The following NPLOC4 variants were observed in gnomAD, a reference collection of about 807,000 sequenced individuals.
NPLOC4 encodes the protein nuclear protein localization protein 4 homolog.
In NPLOC4, 18 loss-of-function variants were observed where a neutral mutation model predicts 80.6. The observed-to-expected ratio is 0.22, with a 90% confidence interval of 0.15 to 0.33. The LOEUF (loss-of-function observed/expected upper bound fraction) is 0.33, where lower values mean the gene tolerates loss of function less well. NPLOC4 is among the 10% of genes least tolerant of loss of function. The pLI, the probability that NPLOC4 is intolerant of heterozygous loss-of-function variation, is 1.00. For missense variants in NPLOC4, 540 were observed against 786.1 expected, an observed-to-expected ratio of 0.69 and a Z score of 3.74; for synonymous variants, 313 against 301.5, an observed-to-expected ratio of 1.04 and a Z score of -0.39.
chr17:81,591,919 C>G (rs2034757211), intron 11 of NPLOC4, among the ~76,000 whole-genome samples: 2 of 152,240 alleles, frequency 1.3e-5, no homozygotes, highest in South Asian at 4.1e-4. Flanking sequence ...GTATGCTAGA[C>G]TATGAGGACA....
chr17:81,636,886 T>A, intron 1 of NPLOC4, 30 bp downstream of exon 1: 3 of 1,405,450 alleles, frequency 2.1e-6, no homozygotes, highest in Non-Finnish European at 2.8e-6. Flanking sequence ...CATCCCGGCG[T>A]CCCCGCTCCC....
At chr17:81,599,266 G>A (rs2144191139) in intron 9 of NPLOC4, among the ~76,000 whole-genome samples, 2 of 151,458 alleles carry the variant, frequency 1.3e-5, no homozygotes, top group Admixed American at 1.3e-4. Flanking sequence ...TCCAGCCTGG[G>A]TGAAAGAGCA....
rs1455101359 is a variant in NPLOC4 at position 81,557,316 on chromosome 17, CAA to C, written c.*1941_*1942del. The C allele has an allele frequency of 2.0e-5, 3 of 152,502 alleles. No individual in the cohort carries two copies. Among genetic ancestry groups the C allele is most frequent in the Non-Finnish European group, 4.4e-5 (3 of 68,040 alleles). 9.4% of individuals were successfully genotyped at this position (152,502 alleles called of 1,614,324 possible). Reference sequence around the variant, plus strand: ...CAATAAAATAAAGTGCATTACTGAACAAAGAGTAACTCAAAACCAGAATCAGA... The same window carrying C: ...CAATAAAATAAAGTGCATTACTGAACAGAGTAACTCAAAACCAGAATCAGA... On this transcript the variant is annotated 3_prime_UTR_variant, in exon 17 of 17. Transcript: ENST00000331134.
chr17:81,568,979 T>C, intron 14 of NPLOC4, 37 bp downstream of exon 14: 2 of 1,267,946 alleles, frequency 1.6e-6, no homozygotes, highest in Non-Finnish European at 2.3e-6. Flanking sequence ...CAATCAGCAG[T>C]TACCTTAAAT....
chr17:81,571,501 G>A (rs1463765837), intron 13 of NPLOC4, among the ~76,000 whole-genome samples: 2 of 152,210 alleles, frequency 1.3e-5, no homozygotes, highest in Non-Finnish European at 2.9e-5. Flanking sequence ...CAAGAACACT[G>A]AGTTACAGGT....
At chr17:81,596,749 G>C (rs1479561506) in intron 10 of NPLOC4, among the ~76,000 whole-genome samples, 2 of 152,272 alleles carry the variant, frequency 1.3e-5, no homozygotes, top group East Asian at 3.9e-4. Context: ...CTTTATAAAG[G>C]TAAGATGGGT....
intron 3 of NPLOC4, among the ~76,000 whole-genome samples, chr17:81,618,964 G>A (rs1274803740): frequency 6.6e-6 from 1 of 151,968 alleles, no homozygotes; most frequent in Non-Finnish European, 1.5e-5. Context: ...TGGATTAAGG[G>A]CGGTGCAAGA....
intron 4 of NPLOC4, among the ~76,000 whole-genome samples, chr17:81,610,670 A>AAAGATAAAAGTGAAT (rs1247930872): frequency 1.6e-5 from 2 of 125,142 alleles, no homozygotes. Context: ...GACACAAACC[A>AAAGATAAAAGTGAAT]GGCCGGGCGC....
intron 12 of NPLOC4, among the ~76,000 whole-genome samples, chr17:81,579,873 C>T (rs951005872): frequency 7.8e-6 from 1 of 128,226 alleles, no homozygotes; most frequent in Non-Finnish European, 1.8e-5. Context: ...TGTGAGCTCA[C>T]CCCCCATTCT....
At chr17:81,592,267 G>A (rs577101712) in intron 11 of NPLOC4, among the ~76,000 whole-genome samples, 4 of 152,298 alleles carry the variant, frequency 2.6e-5, no homozygotes, top group East Asian at 1.9e-4. Flanking sequence ...TGGGGTCCCC[G>A]CATGGCCGTG....
intron 11 of NPLOC4, among the ~76,000 whole-genome samples, chr17:81,592,070 A>T (rs1181499790): frequency 6.6e-6 from 1 of 152,120 alleles, no homozygotes; most frequent in Non-Finnish European, 1.5e-5. Flanking sequence ...ACCTGAGTAC[A>T]ACGAAAGGGG....
chr17:81,616,113 T>TCTC (rs2035477243), intron 3 of NPLOC4, among the ~76,000 whole-genome samples: 1 of 151,022 alleles, frequency 6.6e-6, no homozygotes, highest in African/African-American at 2.4e-5. Flanking sequence ...GGTCAAGAGA[T>TCTC]TGAGACCATC....
rs2034338263 is a variant in NPLOC4 at position 81,577,691 on chromosome 17, C to A, written c.1282-5603G>T. On this transcript the variant is annotated intron_variant, in intron 12 of 16. Coordinates refer to ENST00000331134, the MANE Select transcript of NPLOC4 (RefSeq NM_017921.4). The surrounding 1 kb of genome is among the most constrained non-coding windows in gnomAD (Gnocchi z 4.3). Reference sequence around the variant, plus strand: ...TCCATCTTCAAACTCTGCGTGCTGGCACCTGGACTCACCATCCTCCCACAC... The same window carrying A: ...TCCATCTTCAAACTCTGCGTGCTGGAACCTGGACTCACCATCCTCCCACAC... Among the ~76,000 whole-genome samples, 1 of 152,222 alleles carries A rather than the reference C, an allele frequency of 6.6e-6. No individual in the cohort carries two copies. The highest frequency in any genetic ancestry group is 1.5e-5 in the Non-Finnish European group (1 of 68,044).
chr17:81,625,033 G>A (rs1192657985), intron 2 of NPLOC4, among the ~76,000 whole-genome samples: 1 of 152,154 alleles, frequency 6.6e-6, no homozygotes, highest in Admixed American at 6.5e-5. Context: ...GTGCCAATTA[G>A]AGACAAGAGA....
At chr17:81,634,239 T>C (rs1483744853) in intron 1 of NPLOC4, among the ~76,000 whole-genome samples, 1 of 151,806 alleles carries the variant, frequency 6.6e-6, no homozygotes, top group Non-Finnish European at 1.5e-5. Context: ...CTGACCTCAT[T>C]ATTCACCTGC....
intron 12 of NPLOC4, among the ~76,000 whole-genome samples, chr17:81,574,172 A>C (rs899306896): frequency 1.3e-5 from 2 of 152,242 alleles, no homozygotes; most frequent in Non-Finnish European, 2.9e-5. Flanking sequence ...TAATTAGCCC[A>C]TCTGGAATTC....
chr17:81,627,049 C>T (rs1423379915), intron 2 of NPLOC4, among the ~76,000 whole-genome samples: 1 of 149,884 alleles, frequency 6.7e-6, no homozygotes, highest in African/African-American at 2.5e-5. Context: ...AAGATTGTGC[C>T]GCTGCACTCC....
intron 8 of NPLOC4, among the ~76,000 whole-genome samples, chr17:81,604,045 C>G (rs2035135210): frequency 6.6e-6 from 1 of 152,144 alleles, no homozygotes; most frequent in African/African-American, 2.4e-5. Flanking sequence ...TGCACACACC[C>G]TGCGGGATAT....
intron 6 of NPLOC4, among the ~76,000 whole-genome samples, chr17:81,607,663 G>C (rs2035242076): frequency 6.6e-6 from 1 of 152,026 alleles, no homozygotes; most frequent in Non-Finnish European, 1.5e-5. Context: ...CCCCACTAGA[G>C]ACTGTGTTCC....
Sources: gnomAD v4.1 joint callset for allele counts (sites outside exome capture counted in the v4.1 genomes callset) on GRCh38, gnomAD v4.1.1 for gene constraint, Gnocchi (gnomAD v3.1) non-coding constraint, MANE v1.5 for transcripts, NCBI Gene and HGNC (gene_info 2026-07-23, HGNC 2026-07-21) for gene names.